The following SAMD5 variants were observed in gnomAD, a reference collection of about 807,000 sequenced individuals.
The protein encoded by SAMD5 is sterile alpha motif domain-containing protein 5.
SAMD5 carries 13 observed loss-of-function variants against 11.3 expected under a neutral mutation model. The ratio of observed to expected loss-of-function variants is 1.15; its 90% CI spans 0.75 to 1.83. The LOEUF (loss-of-function observed/expected upper bound fraction) is 1.83. Among genes scored for constraint, SAMD5 ranks in the 40% most tolerant of loss-of-function variants. The probability of loss-of-function intolerance (pLI) is 0.00; values close to 1 mark genes in which losing one functional copy is unlikely to be tolerated. For missense variants in SAMD5, 255 were observed against 239.1 expected (o/e 1.07, Z -0.44); for synonymous variants, 129 against 111.3 (o/e 1.16, Z -1.00).
At chr6:147,834,252 A>G in the SAMD5 span, among the ~76,000 whole-genome samples, 1 of 148,688 alleles carries the variant, frequency 6.7e-6, no homozygotes, top group African/African-American at 2.6e-5. Flanking sequence ...TGAAGTATAT[A>G]CACTGTAAAG....
chr6:147,590,447 C>T (rs573010666), intron 1 of SAMD5, among the ~76,000 whole-genome samples: 2 of 152,280 alleles, frequency 1.3e-5, no homozygotes, highest in South Asian at 4.1e-4. Flanking sequence ...GAGTCTTGCT[C>T]TATTGCCCAG....
At chr6:147,862,315 A>G in the SAMD5 span, among the ~76,000 whole-genome samples, 4 of 152,120 alleles carry the variant, frequency 2.6e-5, no homozygotes, top group Admixed American at 1.3e-4. Flanking sequence ...CTGTTCCCTT[A>G]CTGGACTTCA....
At chr6:147,617,433 A>T (rs1033796669) in intron 1 of SAMD5, among the ~76,000 whole-genome samples, 1 of 152,210 alleles carries the variant, frequency 6.6e-6, no homozygotes, top group Admixed American at 6.5e-5. Context: ...TTTGTGACTT[A>T]TAGACTCTAC....
the SAMD5 span, among the ~76,000 whole-genome samples, chr6:147,833,029 C>A: frequency 6.6e-6 from 1 of 152,150 alleles, no homozygotes; most frequent in African/African-American, 2.4e-5. Context: ...AATAAAATAG[C>A]AATTTAATAC....
chr6:147,761,592 T>C, the SAMD5 span, among the ~76,000 whole-genome samples: 44 of 152,324 alleles, frequency 2.9e-4, no homozygotes, highest in African/African-American at 1.0e-3. Flanking sequence ...ACTTTAGAAC[T>C]TTATTTCTCT....
chr6:147,656,062 G>A (rs970825049), intron 1 of SAMD5, among the ~76,000 whole-genome samples: 1 of 152,062 alleles, frequency 6.6e-6, no homozygotes, highest in Non-Finnish European at 1.5e-5. Context: ...TAAAATAAAG[G>A]TAGTATTTAA....
At chr6:147,934,159 A>G in the SAMD5 span, among the ~76,000 whole-genome samples, 1 of 152,238 alleles carries the variant, frequency 6.6e-6, no homozygotes, top group African/African-American at 2.4e-5. Flanking sequence ...GAAAGGTAAG[A>G]CACTTCATTG....
At chr6:147,598,992 C>T (rs974827306) in intron 1 of SAMD5, among the ~76,000 whole-genome samples, 2 of 152,164 alleles carry the variant, frequency 1.3e-5, no homozygotes, top group East Asian at 1.9e-4. Flanking sequence ...CAGTAATGAA[C>T]GCTGACACTG....
chr6:147,639,783 C>A (rs773999097), intron 1 of SAMD5, among the ~76,000 whole-genome samples: 6 of 152,166 alleles, frequency 3.9e-5, no homozygotes, highest in Non-Finnish European at 8.8e-5. Context: ...TCAGTTTGAA[C>A]ATCCATTCTG....
intron 1 of SAMD5, among the ~76,000 whole-genome samples, chr6:147,531,999 G>A (rs1453803057): frequency 6.6e-6 from 1 of 151,986 alleles, no homozygotes; most frequent in Non-Finnish European, 1.5e-5. Context: ...CTATAGAATA[G>A]GATCACAAAA....
At chr6:147,870,453 T>C in the SAMD5 span, among the ~76,000 whole-genome samples, 3 of 115,354 alleles carry the variant, frequency 2.6e-5, no homozygotes, top group African/African-American at 7.2e-5. Context: ...TGTGTGAGTG[T>C]GTGTGTGTGT....
At chr6:147,896,711 C>A in the SAMD5 span, among the ~76,000 whole-genome samples, 2 of 85,554 alleles carry the variant, frequency 2.3e-5, no homozygotes, top group Non-Finnish European at 5.0e-5. Context: ...TAAAAAAATT[C>A]ACTGAATATT....
At chr6:147,843,612 A>G in the SAMD5 span, among the ~76,000 whole-genome samples, 1 of 152,366 alleles carries the variant, frequency 6.6e-6, no homozygotes, top group South Asian at 2.1e-4. Context: ...AGCTATGGCA[A>G]TCAAAACAGC....
chr6:147,880,671 C>T, the SAMD5 span, among the ~76,000 whole-genome samples: 3 of 152,118 alleles, frequency 2.0e-5, no homozygotes, highest in Non-Finnish European at 2.9e-5. Flanking sequence ...TCCTTCAGCT[C>T]GTGGGTGGTT....
At chr6:147,781,564 C>G in the SAMD5 span, among the ~76,000 whole-genome samples, 1 of 151,994 alleles carries the variant, frequency 6.6e-6, no homozygotes, top group Admixed American at 6.6e-5. Context: ...GACAGAGTTC[C>G]GGTTCAGTTC....
chr6:147,830,654 C>G, the SAMD5 span, among the ~76,000 whole-genome samples: 2 of 152,088 alleles, frequency 1.3e-5, no homozygotes, highest in African/African-American at 4.8e-5. Context: ...ATCTGCTCCT[C>G]TTTTACTACT....
intron 1 of SAMD5, among the ~76,000 whole-genome samples, chr6:147,584,772 C>T (rs768020791): frequency 3.3e-5 from 5 of 152,104 alleles, no homozygotes; most frequent in Non-Finnish European, 5.9e-5. Context: ...TTTCAGACCA[C>T]TAATTAGATT....
the SAMD5 span, among the ~76,000 whole-genome samples, chr6:147,874,790 G>A: frequency 6.6e-6 from 1 of 151,832 alleles, no homozygotes; most frequent in Non-Finnish European, 1.5e-5. Flanking sequence ...AAATAAATTT[G>A]ATAATCAGCA....
chr6:147,906,740 A>G, the SAMD5 span, among the ~76,000 whole-genome samples: 1 of 152,162 alleles, frequency 6.6e-6, no homozygotes, highest in South Asian at 2.1e-4. Flanking sequence ...ATCAAACAAC[A>G]TGCAATGCAC....
Sources: gnomAD v4.1 joint callset for allele counts (sites outside exome capture counted in the v4.1 genomes callset) on GRCh38, gnomAD v4.1.1 for gene constraint, MANE v1.5 for transcripts, NCBI Gene and HGNC (gene_info 2026-07-23, HGNC 2026-07-21) for gene names.